The following SETD5 variants were observed in gnomAD, a reference collection of about 807,000 sequenced individuals.
SETD5 encodes the protein SET domain containing 5, also known as histone-lysine N-methyltransferase SETD5.
Under a neutral mutation model 153.3 loss-of-function variants are expected in SETD5, and 44 were observed. The observed-to-expected ratio is 0.29, with a 90% confidence interval of 0.23 to 0.37. The LOEUF is 0.37. SETD5 is among the 10% of genes least tolerant of loss of function. The pLI, the probability that SETD5 is intolerant of heterozygous loss-of-function variation, is 1.00. For missense variants in SETD5, 1,544 were observed against 1,768.0 expected, an observed-to-expected ratio of 0.87 and a Z score of 2.27; for synonymous variants, 716 against 645.2, an observed-to-expected ratio of 1.11 and a Z score of -1.66.
chr3:9,431,582 A>G, intron 3 of SETD5: 1 of 985,718 alleles, frequency 1.0e-6, no homozygotes. Context: ...TCATCAGAAG[A>G]TATGAGTTTA....
At chr3:9,467,113 T>C (rs746885922) in intron 18 of SETD5, among the ~76,000 whole-genome samples, 32 of 148,434 alleles carry the variant, frequency 2.2e-4, no homozygotes, top group Non-Finnish European at 4.1e-4. Context: ...GCAAAGGAAT[T>C]GCTTGAGCCT....
chr3:9,465,334 G>C (rs1288961551), intron 18 of SETD5, among the ~76,000 whole-genome samples: 1 of 152,192 alleles, frequency 6.6e-6, no homozygotes, highest in African/African-American at 2.4e-5. Context: ...GTTTCAAAAA[G>C]TAATCTTGAA....
intron 16 of SETD5, 146 bp from the exon 17 acceptor site, chr3:9,453,593 T>C (rs1267922799): frequency 2.9e-6 from 2 of 683,226 alleles, no homozygotes; most frequent in African/African-American, 1.8e-5. Flanking sequence ...TCCAATATGC[T>C]GAGACACAAG....
intron 7 of SETD5, among the ~76,000 whole-genome samples, chr3:9,436,235 A>G (rs1229204014): frequency 6.6e-6 from 1 of 151,608 alleles, no homozygotes; most frequent in Non-Finnish European, 1.5e-5. Context: ...CCACCTCTCA[A>G]CCCCAAAGTA....
intron 1 of SETD5, among the ~76,000 whole-genome samples, chr3:9,409,556 C>T (rs1385775493): frequency 6.6e-6 from 1 of 152,114 alleles, no homozygotes; most frequent in Non-Finnish European, 1.5e-5. Context: ...TTGCTTCCTA[C>T]TATTACTAGA....
rs1559380190 is a variant in SETD5 at position 9,425,051 on chromosome 3, G to GTTTTTTTTTTTTTTTTT, written c.-117+528_-117+529insTTTTTTTTTTTTTTTTT. 2.4e-4 allele frequency among the ~76,000 whole-genome samples: 22 copies of GTTTTTTTTTTTTTTTTT among 91,404 alleles called. 1 individual carries two copies. Among genetic ancestry groups the GTTTTTTTTTTTTTTTTT allele is most frequent in the African/African-American group, 1.1e-3 (22 of 19,916 alleles). The allele number at this position is 91,404 out of a possible 152,430, so 60.0% of individuals were successfully genotyped here. On this transcript the variant is annotated intron_variant, in intron 2 of 22. Transcript: ENST00000402198. ...ATAGAAATTTATAGTTACCGACAATGTTTCTTTTTTTTTTTTTTTTTTTTT... is the reference window on the plus strand; with the variant it reads ...ATAGAAATTTATAGTTACCGACAATGTTTTTTTTTTTTTTTTTTTTCTTTTTTTTTTTTTTTTTTTTT...
At chr3:9,463,534 T>C (rs2044222667) in intron 17 of SETD5, among the ~76,000 whole-genome samples, 1 of 152,318 alleles carries the variant, frequency 6.6e-6, no homozygotes, top group Middle Eastern at 3.4e-3. Flanking sequence ...GACTTGCTTT[T>C]TAAGTGGATC....
chr3:9,455,323 C>A (rs2043113170), intron 17 of SETD5, among the ~76,000 whole-genome samples: 1 of 151,690 alleles, frequency 6.6e-6, no homozygotes, highest in East Asian at 1.9e-4. Context: ...CCAGGCTAGT[C>A]TCGAACTCCT....
Position 9,443,130 on chromosome 3 carries a change from G to A in SETD5, c.1078-178G>A. 7.6e-6 allele frequency: 4 copies of A among 529,070 alleles called. No individual in the cohort carries two copies. In the Middle Eastern group the frequency reaches 1.4e-3, roughly 184 times the overall value. 32.8% of individuals were successfully genotyped at this position (529,070 alleles called of 1,614,324 possible). On this transcript the variant is annotated intron_variant, in intron 10 of 22. Coordinates refer to ENST00000402198, the MANE Select transcript of SETD5 (RefSeq NM_001080517.3). ...TTAAGAAAGTATTATAAATTTTCAA[G>A]CCAGTGCAGTATAATAGTTTCAGAT...
At chr3:9,471,630 G>C (rs2045315263) in intron 19 of SETD5, among the ~76,000 whole-genome samples, 1 of 152,218 alleles carries the variant, frequency 6.6e-6, no homozygotes, top group South Asian at 2.1e-4. Context: ...AGGCCATAGA[G>C]AGCTTGCTAA....
At chr3:9,445,988 T>TTTTTTTTTTTTTTTTTA (rs1260243657) in intron 13 of SETD5, among the ~76,000 whole-genome samples, 7 of 145,684 alleles carry the variant, frequency 4.8e-5, no homozygotes, top group African/African-American at 1.6e-4. Flanking sequence ...TTTTTTTTTT[T>TTTTTTTTTTTTTTTTTA]ACTAACAATC....
At chr3:9,402,863 A>C (rs2035027395) in intron 1 of SETD5, among the ~76,000 whole-genome samples, 1 of 152,222 alleles carries the variant, frequency 6.6e-6, no homozygotes, top group South Asian at 2.1e-4. Context: ...AATAGATGGA[A>C]GCATGGGAGG....
intron 1 of SETD5, among the ~76,000 whole-genome samples, chr3:9,403,369 A>C (rs1309834221): frequency 6.6e-6 from 1 of 152,212 alleles, no homozygotes; most frequent in Non-Finnish European, 1.5e-5. Flanking sequence ...CTGAATTCTC[A>C]TTAAGAAATG....
In SETD5 at chr3:9,443,428, A is replaced by C. The variant is rs372071329; in HGVS notation, c.1187+11A>C. The C allele has an allele frequency of 1.5e-6, 2 of 1,326,576 alleles. No homozygotes were observed. Among genetic ancestry groups the C allele is most frequent in the African/African-American group, 3.1e-5 (2 of 65,492 alleles). 82.2% of individuals were successfully genotyped at this position (1,326,576 alleles called of 1,614,324 possible). A position where few individuals can be genotyped will look rare whatever the true frequency, so the allele number is the denominator to read the frequency against. On this transcript the variant is annotated intron_variant, in intron 11 of 22. Coordinates refer to ENST00000402198, the MANE Select transcript of SETD5 (RefSeq NM_001080517.3). ...TGAGTATAGTAACTGGTAAGACCTC[A>C]GAAACCTTTCCTAACAGGAATATCC...
At position 9,441,529 on chromosome 3, in the gene SETD5, T is replaced by C. The variant is rs1445856720; in HGVS notation, c.811-64T>C. 8.4e-6 allele frequency: 12 copies of C among 1,434,524 alleles called. No homozygotes were observed. The East Asian group carries it at 2.5e-4, about 30-fold the overall frequency. 88.9% of individuals were successfully genotyped at this position (1,434,524 alleles called of 1,614,324 possible). On this transcript the variant is annotated intron_variant, in intron 8 of 22. Transcript: ENST00000402198. ...TAGCATGTTTTCCTTAATTATGAAG[T>C]AATTTGAGTGTCTACTAAGGTGTTC...
chr3:9,435,243 CAAAAAAAAAA>C (rs5846637), intron 6 of SETD5, among the ~76,000 whole-genome samples: 22 of 80,168 alleles, frequency 2.7e-4, no homozygotes, highest in Admixed American at 1.8e-3. Flanking sequence ...AACTCCCTCT[CAAAAAAAAAA>C]AAAAAAAAAA....
intron 2 of SETD5, among the ~76,000 whole-genome samples, chr3:9,426,891 C>CGT (rs1288806752): frequency 6.6e-6 from 1 of 151,948 alleles, no homozygotes; most frequent in Non-Finnish European, 1.5e-5. Context: ...TAGGAACAGG[C>CGT]GTATTGTCAT....
At chr3:9,471,966 C>G (rs1419804517) in intron 19 of SETD5, among the ~76,000 whole-genome samples, 2 of 152,038 alleles carry the variant, frequency 1.3e-5, no homozygotes, top group Non-Finnish European at 2.9e-5. Context: ...GCAAAACTGT[C>G]TATATTTTTG....
chr3:9,446,319 G>A (rs1313679584), intron 13 of SETD5, among the ~76,000 whole-genome samples: 3 of 144,462 alleles, frequency 2.1e-5, no homozygotes, highest in East Asian at 2.0e-4. Context: ...TCTGGTTTCC[G>A]AAAAACTGGC....
Sources: gnomAD v4.1 joint callset for allele counts (sites outside exome capture counted in the v4.1 genomes callset) on GRCh38, gnomAD v4.1.1 for gene constraint, MANE v1.5 for transcripts, NCBI Gene and HGNC (gene_info 2026-07-23, HGNC 2026-07-21) for gene names.